The following NAALADL2 variants were observed in gnomAD, a reference collection of about 807,000 sequenced individuals.
The protein encoded by NAALADL2 is N-acetylated alpha-linked acidic dipeptidase like 2, also known as inactive N-acetylated-alpha-linked acidic dipeptidase-like protein 2.
A neutral mutation model predicts 87.2 loss-of-function variants in NAALADL2; 76 were observed. The ratio of observed to expected loss-of-function variants is 0.87; its 90% CI spans 0.72 to 1.05. The LOEUF is 1.05. Among genes scored for constraint, NAALADL2 ranks in the 50% least tolerant of loss-of-function variants. The pLI, the probability that NAALADL2 is intolerant of heterozygous loss-of-function variation, is 0.00. For synonymous variants in NAALADL2, 354 were observed against 331.0 expected, an observed-to-expected ratio of 1.07 and a Z score of -0.75; for missense variants, 1,089 against 945.8, an observed-to-expected ratio of 1.15 and a Z score of -1.99.
rs543553842 is a variant in NAALADL2, at chr3:174,808,928, G to A, written c.-9+71182G>A. Among the ~76,000 whole-genome samples the A allele has an allele frequency of 9.9e-5, 15 of 152,006 alleles. No homozygotes were observed. The East Asian group carries it at 2.9e-3, about 29-fold the overall frequency. On this transcript the variant is annotated intron_variant, in intron 3 of 3. Coordinates refer to the NAALADL2 transcript ENST00000434257. ...ATCTATCCAGACTTTGAAATCTTCA[G>A]CTTGAGTGATATGAAATCATTTTTT...
At chr3:175,739,171 T>G (rs1469057398) in intron 12 of NAALADL2, among the ~76,000 whole-genome samples, 1 of 152,180 alleles carries the variant, frequency 6.6e-6, no homozygotes, top group East Asian at 1.9e-4. Flanking sequence ...AAATGATAGG[T>G]TGCTTTCCTG....
intron 5 of NAALADL2, among the ~76,000 whole-genome samples, chr3:175,411,585 CAAG>C (rs900870141): frequency 1.3e-5 from 2 of 151,878 alleles, no homozygotes; most frequent in African/African-American, 4.8e-5. Flanking sequence ...AATAAGCAAA[CAAG>C]AAGGAGAAAT....
At chr3:174,474,744 C>T (rs1222518419) in intron 1 of NAALADL2, among the ~76,000 whole-genome samples, 1 of 152,008 alleles carries the variant, frequency 6.6e-6, no homozygotes, top group African/African-American at 2.4e-5. Flanking sequence ...TTAGTAAATG[C>T]TTTTTGAGCT....
intron 3 of NAALADL2, among the ~76,000 whole-genome samples, chr3:174,842,266 G>T (rs1724110923): frequency 6.6e-6 from 1 of 152,030 alleles, no homozygotes; most frequent in Non-Finnish European, 1.5e-5. Flanking sequence ...GGTCAGGCTG[G>T]TCTCGAACTC....
chr3:175,757,067 G>A (rs1326060318), intron 13 of NAALADL2, among the ~76,000 whole-genome samples: 1 of 151,494 alleles, frequency 6.6e-6, no homozygotes. Context: ...TAGTGTGAAA[G>A]TCCAAATTTG....
At chr3:174,864,754 G>A (rs1726939082) in intron 1 of NAALADL2, among the ~76,000 whole-genome samples, 1 of 152,030 alleles carries the variant, frequency 6.6e-6, no homozygotes, top group African/African-American at 2.4e-5. Flanking sequence ...TTTGGAAGGA[G>A]TTTAAACAAA....
chr3:175,626,922 C>G (rs527496756), intron 10 of NAALADL2, among the ~76,000 whole-genome samples: 91 of 151,820 alleles, frequency 6.0e-4, no homozygotes, highest in African/African-American at 2.2e-3. Context: ...TGGTCTTGAA[C>G]TTCAGACCAA....
chr3:175,701,959 C>T (rs997341238), intron 11 of NAALADL2, among the ~76,000 whole-genome samples: 1 of 152,100 alleles, frequency 6.6e-6, no homozygotes, highest in African/African-American at 2.4e-5. Flanking sequence ...ACTAATTTAT[C>T]CAAATTTTAA....
At chr3:175,737,241 A>C (rs1446333571) in intron 11 of NAALADL2, 65 bp from the exon 12 acceptor site, 42 of 955,744 alleles carry the variant, frequency 4.4e-5, no homozygotes, top group Non-Finnish European at 1.7e-6. Flanking sequence ...AAATAATGAA[A>C]AACAAACAAA....
At chr3:174,669,759 T>C (rs868140368) in intron 2 of NAALADL2, among the ~76,000 whole-genome samples, 1 of 152,204 alleles carries the variant, frequency 6.6e-6, no homozygotes, top group Middle Eastern at 3.4e-3. Flanking sequence ...GGATTTTTTT[T>C]CTATTTTTGC....
At chr3:175,748,936 C>A (rs535189222) in intron 12 of NAALADL2, among the ~76,000 whole-genome samples, 9 of 151,760 alleles carry the variant, frequency 5.9e-5, no homozygotes, top group African/African-American at 2.2e-4. Context: ...AAGATTCCAT[C>A]TCTGAAAGAA....
chr3:175,423,051 A>ATATTTT (rs1458599872), intron 5 of NAALADL2, among the ~76,000 whole-genome samples: 1 of 91,510 alleles, frequency 1.1e-5, no homozygotes, highest in Non-Finnish European at 2.0e-5. Context: ...ATATATATAT[A>ATATTTT]TTTTTTTTTT....
chr3:175,292,097 GCT>G (rs983983495), intron 4 of NAALADL2, among the ~76,000 whole-genome samples: 2 of 152,124 alleles, frequency 1.3e-5, no homozygotes, highest in South Asian at 4.1e-4. Context: ...TTTGAAACGT[GCT>G]CTCTCTCTTC....
At chr3:174,810,934 C>G (rs377142222) in intron 3 of NAALADL2, among the ~76,000 whole-genome samples, 1 of 152,154 alleles carries the variant, frequency 6.6e-6, no homozygotes, top group African/African-American at 2.4e-5. Flanking sequence ...GGCCACTGCT[C>G]CCTGCATCCT....
chr3:174,886,307 A>C (rs1007514637), intron 1 of NAALADL2, among the ~76,000 whole-genome samples: 2 of 152,010 alleles, frequency 1.3e-5, no homozygotes, highest in Non-Finnish European at 2.9e-5. Flanking sequence ...AGGCTAGGCC[A>C]GTCTCTCTTT....
At chr3:174,668,871 G>A (rs185323693) in intron 2 of NAALADL2, among the ~76,000 whole-genome samples, 8 of 152,020 alleles carry the variant, frequency 5.3e-5, no homozygotes, top group East Asian at 1.9e-4. Context: ...GAATAGTGCC[G>A]CAATAAACAT....
intron 4 of NAALADL2, among the ~76,000 whole-genome samples, chr3:175,285,355 A>G (rs955987515): frequency 6.6e-6 from 1 of 152,148 alleles, no homozygotes; most frequent in Non-Finnish European, 1.5e-5. Flanking sequence ...TTCTTAGTCT[A>G]TTTTGAAATG....
chr3:174,485,478 G>A (rs563575866), intron 1 of NAALADL2, among the ~76,000 whole-genome samples: 1 of 150,964 alleles, frequency 6.6e-6, no homozygotes, highest in African/African-American at 2.4e-5. Flanking sequence ...GCCCCAGTGT[G>A]TGTTGTTTCC....
At chr3:175,471,267 C>T (rs1417747985) in intron 8 of NAALADL2, among the ~76,000 whole-genome samples, 1 of 151,650 alleles carries the variant, frequency 6.6e-6, no homozygotes, top group African/African-American at 2.4e-5. Context: ...TGGCAGGTCA[C>T]GAGGTCAGGA....
Sources: allele counts gnomAD v4.1 joint callset (sites outside exome capture counted in the v4.1 genomes callset), GRCh38; gene constraint gnomAD v4.1.1; transcripts MANE v1.5; gene names NCBI Gene and HGNC (gene_info 2026-07-23, HGNC 2026-07-21).